The following AJUBA variants were observed in gnomAD, a reference collection of about 807,000 sequenced individuals.
The protein encoded by AJUBA is ajuba LIM protein.
A neutral mutation model predicts 53.3 loss-of-function variants in AJUBA; 20 were observed. The ratio of observed to expected loss-of-function variants is 0.38; its 90% CI spans 0.26 to 0.55. AJUBA has a LOEUF of 0.55. Among genes scored for constraint, AJUBA ranks in the 20% least tolerant of loss-of-function variants. The probability of loss-of-function intolerance (pLI) is 0.80; values close to 1 mark genes in which losing one functional copy is unlikely to be tolerated. For synonymous variants in AJUBA, 296 were observed against 306.2 expected (o/e 0.97, Z 0.35); for missense variants, 580 against 730.5 (o/e 0.79, Z 2.38).
chr14:22,974,012 C>G (rs776153584), intron 7 of AJUBA, 35 bp downstream of exon 7: 12 of 1,613,504 alleles, frequency 7.4e-6, no homozygotes, highest in African/African-American at 4.0e-5. Context: ...CCCATTTCCA[C>G]TTCTTCTCCA....
chr14:22,974,745 A>G, intron 6 of AJUBA, 94 bp downstream of exon 6: 1 of 1,401,612 alleles, frequency 7.1e-7, no homozygotes, highest in Non-Finnish European at 9.8e-7. Context: ...CCTTGGCACT[A>G]CCACTTCTGG....
rs1247011075 is a variant in AJUBA at position 22,981,658 on chromosome 14, G to A, written c.609C>T (p.Ala203=). ...CCAGGGCGGCGTGGAGCTCCGGGTA[G>A]GCGGACGGGACCCCTCCGGGAGAAT... is the stretch of plus-strand genomic sequence containing the variant. ...AGYSPGGVPS[A]YPELHAALDR... is the part of the protein sequence containing the mutation. The change falls in exon 1 of 8, where the codon GCC becomes GCT. Residue 203 remains alanine, a synonymous_variant. Coordinates refer to ENST00000262713, the MANE Select transcript of AJUBA (RefSeq NM_032876.6). The A allele has an allele frequency of 2.0e-6, 3 of 1,513,088 alleles. No individual in the cohort carries two copies. Among genetic ancestry groups the A allele is most frequent in the Non-Finnish European group, 1.8e-6 (2 of 1,132,364 alleles). The allele number at this position is 1,513,088 out of a possible 1,614,324, so 93.7% of individuals were successfully genotyped here. A position where few individuals can be genotyped will look rare whatever the true frequency, so the allele number is the denominator to read the frequency against.
chr14:22,974,866 G>A lies in AJUBA; in HGVS notation c.1395C>T (p.Ala465=). Residue 465 remains alanine (A), a synonymous_variant, in exon 6 of 8, where the codon GCC becomes GCT. Coordinates refer to ENST00000262713, the MANE Select transcript of AJUBA (RefSeq NM_032876.6). ...CAGAGGGGAGGATGGGTTGGCCACA[G>A]GCTGCACACTTAGGAGCATAATTTC... ...YHKNYAPKCA[A]CGQPILPSEG... The A allele has an allele frequency of 6.2e-7, 1 of 1,613,418 alleles. No individual in the cohort carries two copies. The highest frequency in any genetic ancestry group is 8.5e-7 in the Non-Finnish European group (1 of 1,179,940).
intron 7 of AJUBA, 71 bp downstream of exon 7, chr14:22,973,976 T>C: frequency 1.1e-5 from 17 of 1,552,730 alleles, no homozygotes; most frequent in South Asian, 2.2e-5. Context: ...TGTCTGGTTG[T>C]TGCAGGACTT....
intron 1 of AJUBA, among the ~76,000 whole-genome samples, chr14:22,980,434 G>C (rs538419132): frequency 5.6e-4 from 85 of 152,278 alleles, no homozygotes; most frequent in Non-Finnish European, 1.1e-3. Context: ...AATTCTGAGA[G>C]GTTATAAGCA....
rs569916902 is a variant in AJUBA, at chr14:22,977,192, G to A, written c.1109-480C>T. 1.8e-5 allele frequency: 18 copies of A among 990,672 alleles called. No individual in the cohort carries two copies. In the South Asian group the frequency reaches 6.9e-4, roughly 38 times the overall value. 61.4% of individuals were successfully genotyped at this position (990,672 alleles called of 1,614,324 possible). On this transcript the variant is annotated intron_variant, in intron 2 of 7. Coordinates refer to ENST00000262713, the MANE Select transcript of AJUBA (RefSeq NM_032876.6). ...TCTCAAATGCCTGTCTCCTTCCAGG[G>A]ACAGACTCCATGGAGGTCAGGACTG... is the stretch of plus-strand genomic sequence containing the variant.
chr14:22,976,783 C>T, intron 2 of AJUBA, 71 bp from the exon 3 acceptor site: 1 of 1,575,888 alleles, frequency 6.3e-7, no homozygotes, highest in Non-Finnish European at 8.6e-7. Context: ...GTCACTGCTC[C>T]CCGCTGCTGC....
rs138114195 is a variant in AJUBA at position 22,982,392 on chromosome 14, G to A, written c.-126C>T. On this transcript the variant is annotated 5_prime_UTR_variant, in exon 1 of 8. Transcript: ENST00000262713. ...GGCACAGGGGAGGCACAGGGGCTTA[G>A]CGGGCGGCCTGGATGCCCTGCGCCA... is the stretch of plus-strand genomic sequence containing the variant. The A allele has an allele frequency of 8.4e-3, 12,512 of 1,483,126 alleles. 69 individuals are homozygous for A. Among genetic ancestry groups the A allele is most frequent in the Middle Eastern group, 0.017 (70 of 4,218 alleles). 91.9% of individuals were successfully genotyped at this position (1,483,126 alleles called of 1,614,324 possible).
Position 22,981,463 on chromosome 14 carries a change from C to A in AJUBA, c.804G>T (p.Gly268=), listed in dbSNP as rs779714224. Reference sequence around the variant, plus strand: ...GGTACCGGGCGCCCACGGCGCAGTCCCCGTAGCCGGTCACAGAGTGTCGTC... The same window carrying A: ...GGTACCGGGCGCCCACGGCGCAGTCACCGTAGCCGGTCACAGAGTGTCGTC... ...QPGRHSVTGY[G]DCAVGARYQD... Residue 268 remains glycine (G), a synonymous_variant, in exon 1 of 8, where the codon GGG becomes GGT. Coordinates refer to ENST00000262713, the MANE Select transcript of AJUBA (RefSeq NM_032876.6). 8 of 1,608,168 alleles carry A rather than the reference C, an allele frequency of 5.0e-6. No individual in the cohort carries two copies. The South Asian group carries it at 8.8e-5, about 18-fold the overall frequency.
At position 22,974,966 on chromosome 14, in the gene AJUBA, A is replaced by G. The variant is rs755860715; in HGVS notation, c.1370+8T>C. Reference sequence around the variant, plus strand: ...AGTTCCACACTGCATCCCAAGGGGCAGACTCACTTGTGGTAGTCGGTGACA... The same window carrying G: ...AGTTCCACACTGCATCCCAAGGGGCGGACTCACTTGTGGTAGTCGGTGACA... On this transcript the variant is annotated splice_region_variant and intron_variant, in intron 5 of 7. Coordinates refer to ENST00000262713, the MANE Select transcript of AJUBA (RefSeq NM_032876.6). The G allele has an allele frequency of 1.2e-6, 2 of 1,614,080 alleles. No individual in the cohort carries two copies. The highest frequency in any genetic ancestry group is 1.7e-6 in the Non-Finnish European group (2 of 1,179,916).
At chr14:22,978,809 G>A in intron 1 of AJUBA, 1 of 1,225,136 alleles carries the variant, frequency 8.2e-7, no homozygotes, top group South Asian at 1.5e-5. Flanking sequence ...TGTGTAGGAT[G>A]AACGGTCAAA....
At chr14:22,973,630 G>A (rs1419806753) in intron 7 of AJUBA, 62 bp from the exon 8 acceptor site, 1 of 1,600,658 alleles carries the variant, frequency 6.2e-7, no homozygotes, top group Non-Finnish European at 8.5e-7. Context: ...GGGTATCTTA[G>A]GAGTCTGCCC....
intron 4 of AJUBA, among the ~76,000 whole-genome samples, 178 bp downstream of exon 4, chr14:22,976,278 C>T (rs1188650841): frequency 2.6e-5 from 4 of 152,022 alleles, no homozygotes; most frequent in Admixed American, 1.3e-4. Context: ...TGAGCCCAGA[C>T]TTGATCCCAT....
chr14:22,974,908 G>A lies in AJUBA; in HGVS notation c.1371-18C>T, dbSNP rs2045020370. On this transcript the variant is annotated intron_variant, in intron 5 of 7. Transcript: ENST00000262713. Reference sequence around the variant, plus strand: ...CATAATTTCTGAAAGAGAGAGGGAAGAGATGAGCTGAGGCTGGGGAATCCC... The same window carrying A: ...CATAATTTCTGAAAGAGAGAGGGAAAAGATGAGCTGAGGCTGGGGAATCCC... 1.2e-6 allele frequency: 2 copies of A among 1,613,826 alleles called. No individual in the cohort carries two copies. The highest frequency in any genetic ancestry group is 1.3e-5 in the African/African-American group (1 of 74,948).
At position 22,979,030 on chromosome 14, in the gene AJUBA, A is replaced by G. The variant is rs1217088293; in HGVS notation, c.1007-585T>C. 7.8e-7 allele frequency: 1 copy of G among 1,289,120 alleles called. No individual in the cohort carries two copies. The highest frequency in any genetic ancestry group is 1.2e-5 in the South Asian group (1 of 81,022). The allele number at this position is 1,289,120 out of a possible 1,614,324, so 79.9% of individuals were successfully genotyped here. A position where few individuals can be genotyped will look rare whatever the true frequency, so the allele number is the denominator to read the frequency against. ...TCCGTGCAGAGGGGACCATGTGAGCATGATTCCTGTGGGGAGGTGGCTGCT... is the reference window on the plus strand; with the variant it reads ...TCCGTGCAGAGGGGACCATGTGAGCGTGATTCCTGTGGGGAGGTGGCTGCT... On this transcript the variant is annotated intron_variant, in intron 1 of 7. Coordinates refer to ENST00000262713, the MANE Select transcript of AJUBA (RefSeq NM_032876.6). The surrounding 1 kb of genome is among the most constrained non-coding windows in gnomAD (Gnocchi z 4.0).
Position 22,981,997 on chromosome 14 carries a change from G to A in AJUBA, c.270C>T (p.Pro90=), listed in dbSNP as rs772948383. The A allele has an allele frequency of 1.9e-6, 3 of 1,582,242 alleles. No homozygotes were observed. The highest frequency in any genetic ancestry group is 3.9e-5 in the Admixed American group (2 of 51,306). Residue 90 remains proline, a synonymous_variant, in exon 1 of 8, where the codon CCC becomes CCT. Transcript: ENST00000262713. ...FEAPRYEGSF[P]AGPPPTRALP... ...AGGCCCGGGTGGGCGGCGGCCCCGC[G>A]GGAAAAGAGCCTTCGTAGCGCGGCG...
intron 7 of AJUBA, among the ~76,000 whole-genome samples, chr14:22,973,801 G>T (rs1353537146): frequency 6.6e-6 from 1 of 152,216 alleles, no homozygotes; most frequent in Non-Finnish European, 1.5e-5. Flanking sequence ...CTTTCAAGAA[G>T]TTTGACCAGA....
intron 6 of AJUBA, 56 bp from the exon 7 acceptor site, chr14:22,974,171 T>C (rs190520454): frequency 1.2e-4 from 197 of 1,582,472 alleles, no homozygotes; most frequent in East Asian, 2.2e-5. Flanking sequence ...CACCTCCACC[T>C]TTCCCTCATA....
rs771539946 is a variant in AJUBA at position 22,973,581 on chromosome 14, G to A, written c.1492-13C>T. 2 of 1,613,906 alleles carry A rather than the reference G, an allele frequency of 1.2e-6. No individual in the cohort carries two copies. Among genetic ancestry groups the A allele is most frequent in the Non-Finnish European group, 1.7e-6 (2 of 1,179,906 alleles). On this transcript the variant is annotated splice_polypyrimidine_tract_variant and intron_variant, in intron 7 of 7. Coordinates refer to ENST00000262713, the MANE Select transcript of AJUBA (RefSeq NM_032876.6). ...GCATCCGGCAGTCCTAGGGAAGAAG[G>A]CACCTAGTTCACCTCAGCCTAGGCA...
Sources: allele counts gnomAD v4.1 joint callset (sites outside exome capture counted in the v4.1 genomes callset), GRCh38; gene constraint gnomAD v4.1.1; non-coding constraint Gnocchi (gnomAD v3.1); transcripts MANE v1.5; gene names NCBI Gene and HGNC (gene_info 2026-07-23, HGNC 2026-07-21).